CCL18: variants seen among roughly 807,000 people sequenced by gnomAD.
CCL18 encodes the protein C-C motif chemokine ligand 18, also known as C-C motif chemokine 18.
In CCL18, 7 loss-of-function variants were observed where a neutral mutation model predicts 8.0. The observed-to-expected ratio is 0.87, with a 90% confidence interval of 0.50 to 1.64. The LOEUF is 1.64. CCL18 is among the 40% of genes most tolerant of loss of function. CCL18 has a pLI of 0.00. For synonymous variants in CCL18, 35 were observed against 41.3 expected (o/e 0.85, Z 0.59); for missense variants, 95 against 107.8 (o/e 0.88, Z 0.52).
intron 1 of CCL18, among the ~76,000 whole-genome samples, chr17:36,064,835 G>T (rs957526276): frequency 6.6e-6 from 1 of 152,184 alleles, no homozygotes; most frequent in Admixed American, 6.5e-5. Flanking sequence ...GTTAGGAGAA[G>T]GGCATAGACT....
At chr17:36,067,249 C>T (rs2066842289) in intron 1 of CCL18, among the ~76,000 whole-genome samples, 1 of 152,142 alleles carries the variant, frequency 6.6e-6, no homozygotes. Context: ...ATATGCATGA[C>T]ATATGGGGTG....
At chr17:36,065,830 T>A (rs1009004640) in intron 1 of CCL18, among the ~76,000 whole-genome samples, 3 of 152,206 alleles carry the variant, frequency 2.0e-5, no homozygotes, top group East Asian at 3.9e-4. Context: ...ACTCCCTTGC[T>A]CCCTCTTCAG....
chr17:36,070,587 C>T lies in CCL18; in HGVS notation c.179+29C>T, dbSNP rs115244706. 86 of 1,372,090 alleles carry T rather than the reference C, an allele frequency of 6.3e-5. No homozygotes were observed. The African/African-American group carries it at 8.4e-4, about 13-fold the overall frequency. 85.0% of individuals were successfully genotyped at this position (1,372,090 alleles called of 1,614,324 possible). A position where few individuals can be genotyped will look rare whatever the true frequency, so the allele number is the denominator to read the frequency against. Reference sequence around the variant, plus strand: ...AGTGCCAGTGCTCCTGCCCACCCCTCGGGAGGGAGGATGGGAGGTTTGGGG... The same window carrying T: ...AGTGCCAGTGCTCCTGCCCACCCCTTGGGAGGGAGGATGGGAGGTTTGGGG... On this transcript the variant is annotated intron_variant, in intron 2 of 2. Transcript: ENST00000616054.
Position 36,068,652 on chromosome 17 carries a change from C to A in CCL18, c.68-1795C>A, listed in dbSNP as rs549209072. Among the ~76,000 whole-genome samples the A allele has an allele frequency of 3.9e-5, 6 of 152,258 alleles. No homozygotes were observed. In the South Asian group the frequency reaches 1.0e-3, roughly 26 times the overall value. ...GCTCTTCCTGTACTCCTATGAGACT[C>A]CCTCGTATGCTTGTGGATGAGACAT... On this transcript the variant is annotated intron_variant, in intron 1 of 2. Transcript: ENST00000616054.
chr17:36,070,583 C>T (rs1210255971), intron 2 of CCL18, 25 bp downstream of exon 2: 1 of 1,402,734 alleles, frequency 7.1e-7, no homozygotes, highest in South Asian at 1.2e-5. Context: ...TCCTGCCCAC[C>T]CCTCGGGAGG....
At chr17:36,068,844 G>A (rs547917631) in intron 1 of CCL18, among the ~76,000 whole-genome samples, 2 of 152,224 alleles carry the variant, frequency 1.3e-5, no homozygotes, top group African/African-American at 2.4e-5. Flanking sequence ...AGGACCACCT[G>A]TTTAAATTTA....
At position 36,070,436 on chromosome 17, in the gene CCL18, G is replaced by A; in HGVS notation, c.68-11G>A. 1 of 1,530,632 alleles carries A rather than the reference G, an allele frequency of 6.5e-7. No homozygotes were observed. Among genetic ancestry groups the A allele is most frequent in the South Asian group, 1.1e-5 (1 of 89,434 alleles). The allele number at this position is 1,530,632 out of a possible 1,614,324, so 94.8% of individuals were successfully genotyped here. A position where few individuals can be genotyped will look rare whatever the true frequency, so the allele number is the denominator to read the frequency against. ...CAATGACTTGGGATCTTTCTGTCCT[G>A]TCTCTTGCAGTTGGTACCAACAAAG... On this transcript the variant is annotated splice_polypyrimidine_tract_variant and intron_variant, in intron 1 of 2. Transcript: ENST00000616054.
At chr17:36,067,358 GT>G (rs1231443273) in intron 1 of CCL18, among the ~76,000 whole-genome samples, 2 of 152,122 alleles carry the variant, frequency 1.3e-5, no homozygotes, top group African/African-American at 4.8e-5. Context: ...TATGGAGAAA[GT>G]TTTTTGCATA....
Position 36,064,410 on chromosome 17 carries a change from G to A in CCL18, c.67+1G>A. On this transcript the variant is annotated splice_donor_variant, in intron 1 of 2. Coordinates refer to ENST00000616054, the MANE Select transcript of CCL18 (RefSeq NM_002988.4). LOFTEE classifies it high-confidence loss of function. ...ATGGCCCTCTGCTCCTGTGCACAAG[G>A]TGAGTCTGTCATCCATGTGCTTTGA... 6.2e-7 allele frequency: 1 copy of A among 1,612,910 alleles called. No homozygotes were observed. The highest frequency in any genetic ancestry group is 8.5e-7 in the Non-Finnish European group (1 of 1,179,062).
chr17:36,069,768 C>T (rs1239703500), intron 1 of CCL18, among the ~76,000 whole-genome samples: 1 of 152,134 alleles, frequency 6.6e-6, no homozygotes, highest in East Asian at 1.9e-4. Context: ...ATCCTGGGGA[C>T]CCCTGCAGTT....
chr17:36,065,126 G>T (rs1202051545), intron 1 of CCL18, among the ~76,000 whole-genome samples: 6 of 152,026 alleles, frequency 3.9e-5, no homozygotes, highest in Non-Finnish European at 7.4e-5. Context: ...GCAAATTTTC[G>T]GTTGCCTATT....
rs2066865601 is a variant in CCL18, at chr17:36,071,320, A to G, written c.*279A>G. On this transcript the variant is annotated 3_prime_UTR_variant, in exon 3 of 3. Transcript: ENST00000616054. ...TTCCCCTTTCCCTTCAACTCTTCGT[A>G]CATTCAATGCATGGATCAATCAGTG... 4.7e-6 allele frequency: 2 copies of G among 426,252 alleles called. No individual in the cohort carries two copies. The highest frequency in any genetic ancestry group is 4.0e-5 in the Admixed American group (1 of 25,284). The allele number at this position is 426,252 out of a possible 1,614,324, so 26.4% of individuals were successfully genotyped here.
At position 36,064,354 on chromosome 17, in the gene CCL18, T is replaced by C. The variant is rs1368615173; in HGVS notation, c.12T>C (p.Leu4=). 1.9e-6 allele frequency: 3 copies of C among 1,614,004 alleles called. No homozygotes were observed. In the Admixed American group the frequency reaches 5.0e-5, roughly 27 times the overall value. The change falls in exon 1 of 3, where the codon CTT becomes CTC. Residue 4 remains leucine (L), a synonymous_variant. Transcript: ENST00000616054. The part of the protein sequence containing the change: MKG[L]AAALLVLVCT... Reference sequence around the variant, plus strand: ...GCCTGCCCAGCATCATGAAGGGCCTTGCAGCTGCCCTCCTTGTCCTCGTCT... The same window carrying C: ...GCCTGCCCAGCATCATGAAGGGCCTCGCAGCTGCCCTCCTTGTCCTCGTCT...
At chr17:36,069,267 G>C (rs1332227810) in intron 1 of CCL18, among the ~76,000 whole-genome samples, 1 of 152,184 alleles carries the variant, frequency 6.6e-6, no homozygotes, top group Non-Finnish European at 1.5e-5. Context: ...GAAGGCACCA[G>C]CTAACCCAGT....
rs192850067 is a variant in CCL18 at position 36,066,095 on chromosome 17, C to A, written c.67+1686C>A. Among the ~76,000 whole-genome samples the A allele has an allele frequency of 3.9e-5, 6 of 152,320 alleles. No homozygotes were observed. In the East Asian group the frequency reaches 1.2e-3, roughly 29 times the overall value. Reference sequence around the variant, plus strand: ...AACAATGGGTCCTAGCCCTCTCCTGCCTTTCAGATCTAGGTTAGATATCTA... The same window carrying A: ...AACAATGGGTCCTAGCCCTCTCCTGACTTTCAGATCTAGGTTAGATATCTA... On this transcript the variant is annotated intron_variant, in intron 1 of 2. Coordinates refer to ENST00000616054, the MANE Select transcript of CCL18 (RefSeq NM_002988.4).
chr17:36,070,803 G>T, intron 2 of CCL18, 148 bp from the exon 3 acceptor site: 2 of 704,118 alleles, frequency 2.8e-6, no homozygotes, highest in East Asian at 5.2e-5. Flanking sequence ...TGAGACATTT[G>T]GGGAAGGCCT....
At chr17:36,067,036 T>C (rs1028168519) in intron 1 of CCL18, among the ~76,000 whole-genome samples, 1 of 152,180 alleles carries the variant, frequency 6.6e-6, no homozygotes. Flanking sequence ...AGAAGTGACA[T>C]GTAAGATGAT....
rs1568522573 is a variant in CCL18, at chr17:36,064,350, G to A, written c.8G>A (p.Gly3Asp). ...CTCTGCCTGCCCAGCATCATGAAGG[G>A]CCTTGCAGCTGCCCTCCTTGTCCTC... is the stretch of plus-strand genomic sequence containing the variant. Reference protein sequence around the residue: MKGLAAALLVLVC... With the variant: MKDLAAALLVLVC... The change falls in exon 1 of 3, where the codon GGC becomes GAC. Residue 3 changes from glycine (G) to aspartate (D), a missense_variant. Physicochemically the swap from Gly to Asp is moderately conservative, Grantham distance 94. Transcript: ENST00000616054. The A allele has an allele frequency of 6.2e-7, 1 of 1,613,996 alleles. No homozygotes were observed. Among genetic ancestry groups the A allele is most frequent in the Non-Finnish European group, 8.5e-7 (1 of 1,179,906 alleles).
At chr17:36,064,521 G>T in intron 1 of CCL18, 112 bp downstream of exon 1, 1 of 769,168 alleles carries the variant, frequency 1.3e-6, no homozygotes, top group Non-Finnish European at 2.2e-6. Flanking sequence ...CTCAAATGGG[G>T]TTTCAAAGTG....
Sources: gnomAD v4.1 joint callset for allele counts (sites outside exome capture counted in the v4.1 genomes callset) on GRCh38, gnomAD v4.1.1 for gene constraint, MANE v1.5 for transcripts, NCBI Gene and HGNC (gene_info 2026-07-23, HGNC 2026-07-21) for gene names.